RSBN1L: variants seen among roughly 807,000 people sequenced by gnomAD.
RSBN1L encodes round spermatid basic protein 1 like, also known as lysine-specific demethylase RSBN1L.
Under a neutral mutation model 67.7 loss-of-function variants are expected in RSBN1L, and 30 were observed. The observed-to-expected ratio is 0.44, with a 90% CI of 0.33 to 0.60. The LOEUF (loss-of-function observed/expected upper bound fraction) is 0.60, where lower values mean the gene tolerates loss of function less well. RSBN1L is among the 20% of genes least tolerant of loss of function. The pLI is 0.02. For missense variants in RSBN1L, 992 were observed against 1,031.7 expected (o/e 0.96, Z 0.53); for synonymous variants, 433 against 387.0 (o/e 1.12, Z -1.39).
rs1209349343 is a variant in RSBN1L, at chr7:77,735,183, T to A, written c.587-1227T>A. On this transcript the variant is annotated intron_variant, in intron 1 of 7. Transcript: ENST00000334955. ...TGAATTTAATTTTTTGAAAATTTAT[T>A]TAAGTAGTCTAGACCTGTGCTATTC... 6.6e-5 allele frequency among the ~76,000 whole-genome samples: 10 copies of A among 152,312 alleles called. No homozygotes were observed. The South Asian group carries it at 2.1e-3, about 32-fold the overall frequency.
At chr7:77,771,025 T>G (rs1791841992) in intron 5 of RSBN1L, among the ~76,000 whole-genome samples, 1 of 152,182 alleles carries the variant, frequency 6.6e-6, no homozygotes, top group African/African-American at 2.4e-5. Context: ...CACTGCAACC[T>G]CCACCTCCCG....
intron 1 of RSBN1L, among the ~76,000 whole-genome samples, chr7:77,705,348 G>A (rs1443917422): frequency 6.6e-6 from 1 of 151,964 alleles, no homozygotes; most frequent in Non-Finnish European, 1.5e-5. Flanking sequence ...TAACTATAAA[G>A]ACTTGATTAA....
chr7:77,702,618 C>G (rs188410469), intron 1 of RSBN1L, among the ~76,000 whole-genome samples: 105 of 152,092 alleles, frequency 6.9e-4, no homozygotes, highest in African/African-American at 2.3e-3. Flanking sequence ...TTTCCTGTCT[C>G]TTTGTGGGTG....
chr7:77,710,456 C>G (rs146958746), intron 1 of RSBN1L, among the ~76,000 whole-genome samples: 243 of 152,292 alleles, frequency 1.6e-3, no homozygotes, highest in African/African-American at 5.6e-3. Context: ...CAGCTCCACA[C>G]TTTTACTACA....
At chr7:77,703,391 A>G (rs1790843368) in intron 1 of RSBN1L, among the ~76,000 whole-genome samples, 1 of 148,972 alleles carries the variant, frequency 6.7e-6, no homozygotes, top group Non-Finnish European at 1.5e-5. Context: ...TTGTCTTTAT[A>G]CATTGTATTT....
chr7:77,724,654 G>A (rs1178156874), intron 1 of RSBN1L, among the ~76,000 whole-genome samples: 3 of 151,702 alleles, frequency 2.0e-5, no homozygotes, highest in East Asian at 3.9e-4. Context: ...TCGAACTCCC[G>A]ACTTCAGGTG....
intron 1 of RSBN1L, among the ~76,000 whole-genome samples, chr7:77,705,495 C>A (rs1471126718): frequency 6.8e-6 from 1 of 147,312 alleles, no homozygotes; most frequent in Non-Finnish European, 1.5e-5. Context: ...ACCACTAGGT[C>A]TCTCCATTGT....
chr7:77,778,697 C>G lies in RSBN1L; in HGVS notation c.2070C>G (p.Leu690=), dbSNP rs889303856. ...AVCSLAWHIR[L]KLYHSEEDTS... Reference sequence around the variant, plus strand: ...GCAGTTTAGCATGGCATATTCGGCTCAAATTATATCACTCAGAGGAGGACA... The same window carrying G: ...GCAGTTTAGCATGGCATATTCGGCTGAAATTATATCACTCAGAGGAGGACA... Residue 690 remains leucine (L), a synonymous_variant, in exon 8 of 8, where the codon CTC becomes CTG. Coordinates refer to ENST00000334955, the MANE Select transcript of RSBN1L (RefSeq NM_198467.3). 9 of 1,613,922 alleles carry G rather than the reference C, an allele frequency of 5.6e-6. No individual in the cohort carries two copies. The highest frequency in any genetic ancestry group is 4.0e-5 in the African/African-American group (3 of 74,918).
chr7:77,718,938 A>G lies in RSBN1L; in HGVS notation c.587-17472A>G, dbSNP rs143085173. ...TTACTCACGTGCCTGTTGCTGTGTTATGTATGGCTAGATACTGAACTGAGT... is the reference window on the plus strand; with the variant it reads ...TTACTCACGTGCCTGTTGCTGTGTTGTGTATGGCTAGATACTGAACTGAGT... On this transcript the variant is annotated intron_variant, in intron 1 of 7. Coordinates refer to ENST00000334955, the MANE Select transcript of RSBN1L (RefSeq NM_198467.3). Among the ~76,000 whole-genome samples the G allele has an allele frequency of 1.5e-3, 236 of 152,276 alleles. 1 individual carries two copies. The highest frequency in any genetic ancestry group is 5.2e-3 in the African/African-American group (216 of 41,552).
intron 1 of RSBN1L, among the ~76,000 whole-genome samples, chr7:77,735,569 A>C (rs1791323258): frequency 6.6e-6 from 1 of 152,176 alleles, no homozygotes; most frequent in Non-Finnish European, 1.5e-5. Flanking sequence ...GAGATTATGC[A>C]GTATGCATGT....
At chr7:77,741,691 CAAAA>C (rs534456779) in intron 2 of RSBN1L, among the ~76,000 whole-genome samples, 1 of 83,634 alleles carries the variant, frequency 1.2e-5, no homozygotes. Context: ...GACTCGGTCT[CAAAA>C]AAAAAAAAAA....
At position 77,696,795 on chromosome 7, in the gene RSBN1L, G is replaced by T; in HGVS notation, c.326G>T (p.Gly109Val). ...SSRSSFSFSAGTAVPSSASAS... is the reference protein window; with the variant it reads ...SSRSSFSFSAVTAVPSSASAS... ...CGGAGCAGTTTCTCTTTCTCCGCTG[G>T]CACGGCCGTTCCCTCCTCAGCCTCC... Residue 109 changes from glycine (G) to valine (V), a missense_variant, in exon 1 of 8, where the codon GGC (glycine) becomes GTC (valine). Physicochemically the swap from Gly to Val is moderately radical, Grantham distance 109. This residue lies in a region of RSBN1L where 575 missense variants were observed against 483.2 expected (regional missense o/e 1.19). Transcript: ENST00000334955. 1.9e-6 allele frequency: 3 copies of T among 1,613,724 alleles called. No individual in the cohort carries two copies. The highest frequency in any genetic ancestry group is 2.5e-6 in the Non-Finnish European group (3 of 1,179,996).
chr7:77,780,596 T>C lies in RSBN1L; in HGVS notation c.*1428T>C, dbSNP rs973096226. 10 of 152,272 alleles carry C rather than the reference T, an allele frequency of 6.6e-5. No homozygotes were observed. The East Asian group carries it at 1.9e-3, about 29-fold the overall frequency. The allele number at this position is 152,272 out of a possible 1,614,324, so 9.4% of individuals were successfully genotyped here. ...TTTTTCTTGCAGAATGGGAGAAAAA[T>C]ATGGCAAATACAAAACTGTAAAATA... On this transcript the variant is annotated 3_prime_UTR_variant, in exon 8 of 8. Transcript: ENST00000334955.
At position 77,760,702 on chromosome 7, in the gene RSBN1L, C is replaced by T. The variant is rs528487065; in HGVS notation, c.1345-4793C>T. Among the ~76,000 whole-genome samples, 4 of 152,222 alleles carry T rather than the reference C, an allele frequency of 2.6e-5. No homozygotes were observed. The East Asian group carries it at 7.7e-4, about 29-fold the overall frequency. ...AGGCTGGAGTGCAGTGGTGCGATCT[C>T]GCTGGCTGCAACCTCCGCCTCCTGG... On this transcript the variant is annotated intron_variant, in intron 3 of 7. Coordinates refer to ENST00000334955, the MANE Select transcript of RSBN1L (RefSeq NM_198467.3).
At chr7:77,712,574 TG>T (rs1350123251) in intron 1 of RSBN1L, among the ~76,000 whole-genome samples, 2 of 152,190 alleles carry the variant, frequency 1.3e-5, no homozygotes, top group African/African-American at 4.8e-5. Context: ...CCACTGTGCC[TG>T]GCCACATATG....
chr7:77,773,330 G>C lies in RSBN1L; in HGVS notation c.1793+16G>C. ...GTGGAGAGTGGTATATATAACTACC[G>C]CTATTTTAATGAAAGAATTTCTTGG... On this transcript the variant is annotated intron_variant, in intron 6 of 7. Transcript: ENST00000334955. 1 of 1,433,288 alleles carries C rather than the reference G, an allele frequency of 7.0e-7. No individual in the cohort carries two copies. Among genetic ancestry groups the C allele is most frequent in the Non-Finnish European group, 9.3e-7 (1 of 1,079,924 alleles). 88.8% of individuals were successfully genotyped at this position (1,433,288 alleles called of 1,614,324 possible).
Position 77,724,675 on chromosome 7 carries a change from C to T in RSBN1L, c.587-11735C>T, listed in dbSNP as rs573695021. 3.3e-5 allele frequency among the ~76,000 whole-genome samples: 5 copies of T among 152,010 alleles called. No individual in the cohort carries two copies. The South Asian group carries it at 1.0e-3, about 32-fold the overall frequency. Reference sequence around the variant, plus strand: ...TCCCGACTTCAGGTGATCCACCTGCCTTGCCCTCACAAAGTGCTGGGATTA... The same window carrying T: ...TCCCGACTTCAGGTGATCCACCTGCTTTGCCCTCACAAAGTGCTGGGATTA... On this transcript the variant is annotated intron_variant, in intron 1 of 7. Transcript: ENST00000334955.
intron 2 of RSBN1L, among the ~76,000 whole-genome samples, chr7:77,740,993 T>C (rs943265162): frequency 9.4e-5 from 14 of 149,322 alleles, no homozygotes; most frequent in African/African-American, 3.4e-4. Flanking sequence ...TTCTTTTTTT[T>C]TTTTTTTTTT....
chr7:77,765,998 C>T (rs1584302208), intron 4 of RSBN1L, among the ~76,000 whole-genome samples: 2 of 152,264 alleles, frequency 1.3e-5, no homozygotes, highest in South Asian at 2.1e-4. Context: ...AAGGATTCTA[C>T]TACAAATGTT....
Sources: allele counts gnomAD v4.1 joint callset (sites outside exome capture counted in the v4.1 genomes callset), GRCh38; gene constraint gnomAD v4.1.1; regional missense constraint gnomAD v4.1.1; transcripts MANE v1.5; gene names NCBI Gene and HGNC (gene_info 2026-07-23, HGNC 2026-07-21).